The following MAP4K3 variants were observed in gnomAD, a reference collection of about 807,000 sequenced individuals.
MAP4K3 encodes the protein MAPK/ERK kinase kinase kinase 3.
Under a neutral mutation model 143.5 loss-of-function variants are expected in MAP4K3, and 94 were observed. The observed-to-expected ratio is 0.65, with a 90% CI of 0.55 to 0.78. The LOEUF (loss-of-function observed/expected upper bound fraction) is 0.78, where lower values mean the gene tolerates loss of function less well. Ranked by LOEUF, MAP4K3 falls within the 30% of genes least tolerant of loss-of-function variation. MAP4K3 has a pLI of 0.00. For synonymous variants in MAP4K3, 416 were observed against 347.2 expected (o/e 1.20, Z -2.20); for missense variants, 1,077 against 1,068.1 (o/e 1.01, Z -0.12).
chr2:39,417,370 T>A (rs1224170100), intron 1 of MAP4K3, among the ~76,000 whole-genome samples: 1 of 152,082 alleles, frequency 6.6e-6, no homozygotes, highest in Non-Finnish European at 1.5e-5. Context: ...CAGGCGCCTG[T>A]CACCACGCCC....
chr2:39,276,949 C>T lies in MAP4K3; in HGVS notation c.1794+1458G>A, dbSNP rs117875553. Among the ~76,000 whole-genome samples, 440 of 152,282 alleles carry T rather than the reference C, an allele frequency of 2.9e-3. 10 individuals carry two copies. In the East Asian group the frequency reaches 0.038, roughly 13 times the overall value. On this transcript the variant is annotated intron_variant, in intron 24 of 33. Coordinates refer to ENST00000263881, the MANE Select transcript of MAP4K3 (RefSeq NM_003618.4). The stretch of plus-strand genomic sequence containing the variant: ...TGTAATGGCTGCACAACGCTGTGAA[C>T]GTACTAAAAGCCACTGAATTGTACC...
At chr2:39,323,901 C>G (rs1469869795) in intron 12 of MAP4K3, 1 of 152,018 alleles carries the variant, frequency 6.6e-6, no homozygotes, top group African/African-American at 2.4e-5. Flanking sequence ...CTGACAGTAA[C>G]AGAGTTTATG....
intron 18 of MAP4K3, 23 bp from the exon 19 acceptor site, chr2:39,290,357 T>G (rs1681989891): frequency 6.6e-7 from 1 of 1,524,054 alleles, no homozygotes; most frequent in African/African-American, 1.4e-5. Context: ...AAGTTTAGAA[T>G]CAGAACTATT....
rs193089584 is a variant in MAP4K3, at chr2:39,261,459, G to A, written c.2137-682C>T. Among the ~76,000 whole-genome samples, 28 of 152,116 alleles carry A rather than the reference G, an allele frequency of 1.8e-4. 1 individual carries two copies. The highest frequency in any genetic ancestry group is 6.5e-4 in the Admixed American group (10 of 15,280). ...GAGATAAATACTATACATACCCACC[G>A]AATGGCTAAAATTAAAAAGAATGAC... On this transcript the variant is annotated intron_variant, in intron 28 of 33. Coordinates refer to ENST00000263881, the MANE Select transcript of MAP4K3 (RefSeq NM_003618.4).
intron 1 of MAP4K3, among the ~76,000 whole-genome samples, chr2:39,405,289 G>A (rs113082811): frequency 0.04 from 6,133 of 152,230 alleles, 139 homozygotes; most frequent in South Asian, 0.052. Flanking sequence ...TATGATACAG[G>A]GAATTCTTTT....
chr2:39,422,335 C>T (rs1425100456), intron 1 of MAP4K3, among the ~76,000 whole-genome samples: 1 of 152,094 alleles, frequency 6.6e-6, no homozygotes, highest in African/African-American at 2.4e-5. Flanking sequence ...CTTATCTCCC[C>T]TAGTTCTCTG....
chr2:39,251,979 T>A, intron 32 of MAP4K3, 94 bp from the exon 33 acceptor site: 1 of 828,874 alleles, frequency 1.2e-6, no homozygotes, highest in Non-Finnish European at 2.0e-6. Flanking sequence ...AGAAACATGA[T>A]CGCTAAAAAT....
chr2:39,412,614 C>T (rs756581532), intron 1 of MAP4K3, among the ~76,000 whole-genome samples: 13 of 152,066 alleles, frequency 8.5e-5, no homozygotes, highest in Admixed American at 4.6e-4. Flanking sequence ...CTTTCCTAAA[C>T]GGCGATCATG....
chr2:39,362,083 A>G (rs1456249406), intron 2 of MAP4K3, among the ~76,000 whole-genome samples: 1 of 152,138 alleles, frequency 6.6e-6, no homozygotes, highest in Non-Finnish European at 1.5e-5. Context: ...GAATCCTGAA[A>G]AAATTATACT....
intron 1 of MAP4K3, among the ~76,000 whole-genome samples, chr2:39,380,129 CAT>C (rs1408923458): frequency 6.6e-6 from 1 of 151,936 alleles, no homozygotes; most frequent in Non-Finnish European, 1.5e-5. Context: ...CTGAAAAAAA[CAT>C]AGAGCTAAAA....
chr2:39,398,753 GATA>G (rs1163880747), intron 1 of MAP4K3, among the ~76,000 whole-genome samples: 1 of 134,974 alleles, frequency 7.4e-6, no homozygotes, highest in African/African-American at 2.8e-5. Context: ...TAATGATGAT[GATA>G]ATAATTGGCC....
At chr2:39,405,521 C>T (rs111376104) in intron 1 of MAP4K3, among the ~76,000 whole-genome samples, 4,524 of 152,258 alleles carry the variant, frequency 0.03, 83 homozygotes, top group Non-Finnish European at 0.042. Flanking sequence ...CATGAACAAA[C>T]ATCCATAAGC....
At chr2:39,346,123 A>G (rs537349367) in intron 3 of MAP4K3, among the ~76,000 whole-genome samples, 2 of 152,162 alleles carry the variant, frequency 1.3e-5, no homozygotes, top group Non-Finnish European at 1.5e-5. Flanking sequence ...GTGGCCTGGT[A>G]TTAAGAACTT....
chr2:39,435,765 C>T lies in MAP4K3; in HGVS notation c.96+1127G>A, dbSNP rs775012902. Among the ~76,000 whole-genome samples the T allele has an allele frequency of 3.5e-4, 53 of 152,170 alleles. 1 individual carries two copies. The highest frequency in any genetic ancestry group is 7.1e-4 in the Non-Finnish European group (48 of 68,040). ...AAGTATCTCATACATTGTAGGTGGGCTCAATATATCTATATTGCATAGTAG... is the reference window on the plus strand; with the variant it reads ...AAGTATCTCATACATTGTAGGTGGGTTCAATATATCTATATTGCATAGTAG... On this transcript the variant is annotated intron_variant, in intron 1 of 33. Transcript: ENST00000263881.
At chr2:39,284,642 G>C (rs1054868114) in intron 21 of MAP4K3, among the ~76,000 whole-genome samples, 3 of 151,640 alleles carry the variant, frequency 2.0e-5, no homozygotes, top group East Asian at 2.0e-4. Context: ...TCAAGGATTC[G>C]AGACCAGCCT....
At chr2:39,317,473 A>C (rs989586801) in intron 12 of MAP4K3, among the ~76,000 whole-genome samples, 2 of 152,124 alleles carry the variant, frequency 1.3e-5, no homozygotes, top group African/African-American at 2.4e-5. Flanking sequence ...GAGTAAACAG[A>C]CAACCCACAG....
intron 7 of MAP4K3, among the ~76,000 whole-genome samples, chr2:39,332,980 C>T (rs942998742): frequency 7.1e-4 from 108 of 151,968 alleles, no homozygotes; most frequent in Non-Finnish European, 8.7e-4. Context: ...AAAACTATAA[C>T]GAACACTTGT....
chr2:39,268,082 GT>G (rs1249406495), intron 26 of MAP4K3, among the ~76,000 whole-genome samples: 1 of 152,056 alleles, frequency 6.6e-6, no homozygotes, highest in Admixed American at 6.6e-5. Context: ...AGAAATCTTT[GT>G]TTCTCTACTC....
chr2:39,358,109 C>T (rs1423169355), intron 2 of MAP4K3, among the ~76,000 whole-genome samples: 1 of 152,182 alleles, frequency 6.6e-6, no homozygotes, highest in African/African-American at 2.4e-5. Flanking sequence ...CTGTAATTTT[C>T]AGATATACCT....
Sources: gnomAD v4.1 joint callset for allele counts (sites outside exome capture counted in the v4.1 genomes callset) on GRCh38, gnomAD v4.1.1 for gene constraint, MANE v1.5 for transcripts, NCBI Gene and HGNC (gene_info 2026-07-23, HGNC 2026-07-21) for gene names.